Variants in NRXN3 observed in about 807,000 individuals in gnomAD.
The protein encoded by NRXN3 is neurexin III.
In NRXN3, 32 loss-of-function variants were observed where a neutral mutation model predicts 137.6. The observed-to-expected ratio is 0.23, with a 90% CI of 0.18 to 0.31. The LOEUF is 0.31. Among genes scored for constraint, NRXN3 ranks in the 10% least tolerant of loss-of-function variants. The pLI, the probability that NRXN3 is intolerant of heterozygous loss-of-function variation, is 1.00. For missense variants in NRXN3, 1,574 were observed against 2,062.5 expected (o/e 0.76, Z 4.59); for synonymous variants, 798 against 784.5 (o/e 1.02, Z -0.29).
At chr14:79,199,989 C>A (rs1454529485) in intron 15 of NRXN3, 16 of 152,066 alleles carry the variant, frequency 1.1e-4, no homozygotes, top group Admixed American at 1.0e-3. Context: ...TATAATAGAA[C>A]AAGAATTGAG....
chr14:79,775,667 T>G (rs1371502788), intron 19 of NRXN3, among the ~76,000 whole-genome samples: 1 of 151,144 alleles, frequency 6.6e-6, no homozygotes, highest in Non-Finnish European at 1.5e-5. Flanking sequence ...CCACCCTAGG[T>G]CAGAAGTGGG....
At chr14:79,358,267 A>G (rs2093499391) in intron 15 of NRXN3, among the ~76,000 whole-genome samples, 1 of 152,156 alleles carries the variant, frequency 6.6e-6, no homozygotes, top group African/African-American at 2.4e-5. Flanking sequence ...AAGACTATCA[A>G]AAGAAAGTGT....
rs59363016 is a variant in NRXN3, at chr14:79,504,641, T to TTA, written c.3444+37251_3444+37252dup. On this transcript the variant is annotated intron_variant, in intron 16 of 20. Transcript: ENST00000335750. Reference sequence around the variant, plus strand: ...AACTTCCATTATAAAATGAAGTTTTTTATATATATATATGTATATATATAT... The same window carrying TTA: ...AACTTCCATTATAAAATGAAGTTTTTTATATATATATATATGTATATATATAT... Among the ~76,000 whole-genome samples the TTA allele has an allele frequency of 3.1e-4, 30 of 97,888 alleles. 2 individuals carry two copies. The highest frequency in any genetic ancestry group is 1.1e-3 in the South Asian group (3 of 2,792). The allele number at this position is 97,888 out of a possible 152,430, so 64.2% of individuals were successfully genotyped here.
intron 16 of NRXN3, among the ~76,000 whole-genome samples, chr14:79,503,845 G>A (rs745662380): frequency 5.3e-5 from 8 of 152,320 alleles, no homozygotes; most frequent in Non-Finnish European, 1.0e-4. Context: ...CAAGGAGCTT[G>A]TGCTCTCCTT....
At position 79,805,106 on chromosome 14, in the gene NRXN3, A is replaced by G. The variant is rs1326627363; in HGVS notation, c.4015-6A>G. 2 of 1,606,686 alleles carry G rather than the reference A, an allele frequency of 1.2e-6. No individual in the cohort carries two copies. Among genetic ancestry groups the G allele is most frequent in the South Asian group, 2.2e-5 (2 of 90,276 alleles). On this transcript the variant is annotated splice_region_variant and splice_polypyrimidine_tract_variant and intron_variant, in intron 19 of 20. Coordinates refer to ENST00000335750, the MANE Select transcript of NRXN3 (RefSeq NM_001330195.2). ...TACCCCATTATTTTCTCTTTGACAT[A>G]AACAGCCAACATCAGATGATCTTGT...
intron 16 of NRXN3, among the ~76,000 whole-genome samples, chr14:79,643,551 C>T (rs2098441930): frequency 7.4e-6 from 1 of 135,178 alleles, no homozygotes; most frequent in African/African-American, 2.5e-5. Flanking sequence ...GTTTATATTT[C>T]TTAATACAAC....
At chr14:78,821,944 A>G in intron 10 of NRXN3, among the ~76,000 whole-genome samples, 1 of 152,168 alleles carries the variant, frequency 6.6e-6, no homozygotes, top group Non-Finnish European at 1.5e-5. Flanking sequence ...TAACACCGCG[A>G]TGACTAGTTA....
chr14:78,475,901 A>T (rs1334060500), intron 4 of NRXN3, among the ~76,000 whole-genome samples: 1 of 152,232 alleles, frequency 6.6e-6, no homozygotes. Context: ...GGTACTAGAG[A>T]TAATAAGGTA....
intron 4 of NRXN3, among the ~76,000 whole-genome samples, chr14:78,369,657 C>A (rs1204855764): frequency 1.3e-5 from 2 of 152,122 alleles, no homozygotes; most frequent in Non-Finnish European, 2.9e-5. Flanking sequence ...TGCTTTGATC[C>A]AAGGTCTAAG....
At chr14:78,392,856 T>A in intron 4 of NRXN3, among the ~76,000 whole-genome samples, 1 of 152,144 alleles carries the variant, frequency 6.6e-6, no homozygotes, top group South Asian at 2.1e-4. Flanking sequence ...GTTGGTTGGA[T>A]AAATTTTGGG....
At chr14:78,498,912 C>A (rs542464319) in intron 4 of NRXN3, among the ~76,000 whole-genome samples, 7 of 152,094 alleles carry the variant, frequency 4.6e-5, no homozygotes, top group African/African-American at 1.7e-4. Context: ...AGGCATGAAC[C>A]ACTGTGGCTG....
At chr14:78,915,416 C>T (rs1193011652) in intron 10 of NRXN3, among the ~76,000 whole-genome samples, 1 of 77,454 alleles carries the variant, frequency 1.3e-5, no homozygotes, top group Non-Finnish European at 2.6e-5. Flanking sequence ...ACAGAGGGAA[C>T]AAGAGTTTAG....
At chr14:79,380,285 G>A (rs2094432478) in intron 15 of NRXN3, among the ~76,000 whole-genome samples, 2 of 151,022 alleles carry the variant, frequency 1.3e-5, no homozygotes, top group African/African-American at 2.4e-5. Context: ...CCATGCTGGT[G>A]TGCTGCACCC....
chr14:78,699,644 C>T (rs989652615), intron 6 of NRXN3, among the ~76,000 whole-genome samples: 1 of 152,072 alleles, frequency 6.6e-6, no homozygotes, highest in Non-Finnish European at 1.5e-5. Context: ...TTACCTTTTT[C>T]CCCTAATTGC....
chr14:78,998,654 A>T (rs2099535185), intron 15 of NRXN3, among the ~76,000 whole-genome samples: 1 of 150,674 alleles, frequency 6.6e-6, no homozygotes, highest in Non-Finnish European at 1.5e-5. Flanking sequence ...ACTGGAGTAC[A>T]GTGGTGCCAT....
intron 10 of NRXN3, among the ~76,000 whole-genome samples, chr14:78,910,529 C>A (rs533086050): frequency 1.3e-5 from 2 of 151,952 alleles, no homozygotes; most frequent in Non-Finnish European, 2.9e-5. Context: ...GAGCATTTTC[C>A]CCCAAGATAG....
intron 16 of NRXN3, among the ~76,000 whole-genome samples, chr14:79,572,105 CTG>C (rs969311124): frequency 6.6e-6 from 1 of 152,076 alleles, no homozygotes; most frequent in Non-Finnish European, 1.5e-5. Context: ...TTTCAAATAA[CTG>C]TGAGTTATTA....
intron 4 of NRXN3, among the ~76,000 whole-genome samples, chr14:78,388,434 TA>T (rs1228323796): frequency 6.6e-6 from 1 of 152,184 alleles, no homozygotes; most frequent in African/African-American, 2.4e-5. Context: ...GTTAAGAAAT[TA>T]GTAAATAAAA....
intron 15 of NRXN3, among the ~76,000 whole-genome samples, chr14:79,432,192 C>T (rs12590516): frequency 1.1e-4 from 16 of 152,144 alleles, no homozygotes; most frequent in African/African-American, 2.9e-4. Context: ...TTAACCACTT[C>T]GGATTATGAC....
Sources: allele counts gnomAD v4.1 joint callset (sites outside exome capture counted in the v4.1 genomes callset), GRCh38; gene constraint gnomAD v4.1.1; transcripts MANE v1.5; gene names NCBI Gene and HGNC (gene_info 2026-07-23, HGNC 2026-07-21).